CACNA1A: variants seen among roughly 807,000 people sequenced by gnomAD.
CACNA1A encodes calcium voltage-gated channel subunit alpha1 A.
A neutral mutation model predicts 262.4 loss-of-function variants in CACNA1A; 57 were observed. The observed-to-expected ratio is 0.22, with a 90% CI of 0.18 to 0.27. The LOEUF (loss-of-function observed/expected upper bound fraction) is 0.27. CACNA1A is among the 10% of genes least tolerant of loss of function. The pLI is 1.00. For synonymous variants in CACNA1A, 1,431 were observed against 1,419.3 expected (o/e 1.01, Z -0.18); for missense variants, 2,526 against 3,562.8 (o/e 0.71, Z 7.41).
At chr19:13,424,543 G>A (rs1181164593) in intron 3 of CACNA1A, among the ~76,000 whole-genome samples, 9 of 151,864 alleles carry the variant, frequency 5.9e-5, no homozygotes, top group Non-Finnish European at 1.0e-4. Flanking sequence ...ATAGATCACT[G>A]TAGCCTCAAA....
intron 1 of CACNA1A, among the ~76,000 whole-genome samples, chr19:13,468,932 T>C (rs1407161741): frequency 3.3e-5 from 5 of 152,154 alleles, no homozygotes; most frequent in Admixed American, 1.3e-4. Flanking sequence ...TCCACCATCA[T>C]GGCCCCCAGA....
intron 10 of CACNA1A, among the ~76,000 whole-genome samples, chr19:13,317,773 T>C (rs2058155746): frequency 6.6e-6 from 1 of 152,224 alleles, no homozygotes; most frequent in Non-Finnish European, 1.5e-5. Flanking sequence ...AAGTGATCAC[T>C]GAGGAATAAG....
intron 32 of CACNA1A, among the ~76,000 whole-genome samples, 165 bp from the exon 33 acceptor site, chr19:13,235,439 C>G (rs925589874): frequency 6.6e-6 from 1 of 152,196 alleles, no homozygotes; most frequent in Admixed American, 6.5e-5. Flanking sequence ...GGATGAGGCC[C>G]TTACAGCTCT....
chr19:13,445,901 G>A (rs770154137), intron 3 of CACNA1A, among the ~76,000 whole-genome samples: 11 of 152,182 alleles, frequency 7.2e-5, no homozygotes, highest in Non-Finnish European at 1.2e-4. Flanking sequence ...GGTAAACACC[G>A]TGGTGGTCCA....
At chr19:13,430,600 T>C (rs1012883566) in intron 3 of CACNA1A, among the ~76,000 whole-genome samples, 9 of 152,176 alleles carry the variant, frequency 5.9e-5, no homozygotes, top group African/African-American at 2.2e-4. Context: ...TGGAAGATTT[T>C]ACTGGCACAA....
At chr19:13,413,296 T>C (rs538562747) in intron 3 of CACNA1A, among the ~76,000 whole-genome samples, 1,822 of 151,106 alleles carry the variant, frequency 0.012, 22 homozygotes, top group South Asian at 0.025. Context: ...TCAGTAGAGA[T>C]GGGGTTTCAC....
chr19:13,367,971 G>A (rs1487287769), intron 4 of CACNA1A, among the ~76,000 whole-genome samples: 6 of 151,950 alleles, frequency 3.9e-5, no homozygotes, highest in African/African-American at 1.5e-4. Flanking sequence ...ACTGAAATTC[G>A]CATCCTGCAC....
intron 2 of CACNA1A, 120 bp from the exon 3 acceptor site, chr19:13,453,135 A>C: frequency 1.0e-6 from 1 of 976,498 alleles, no homozygotes; most frequent in South Asian, 1.5e-5. Context: ...ACCCTCCTGC[A>C]CTCACCACCC....
At chr19:13,479,951 A>T (rs1461245913) in intron 1 of CACNA1A, among the ~76,000 whole-genome samples, 2 of 152,248 alleles carry the variant, frequency 1.3e-5, no homozygotes, top group African/African-American at 4.8e-5. Context: ...CCATTCATTT[A>T]CGTATTGCCT....
chr19:13,334,567 GTGTGTGTGTGTGTGTGTGTGTGTGTT>G (rs1418585445), intron 7 of CACNA1A, 74 bp from the exon 8 acceptor site: 6 of 645,980 alleles, frequency 9.3e-6, no homozygotes, highest in African/African-American at 2.0e-5. Context: ...GTGTTTGTGT[GTGTGTGTGTGTGTGTGTGTGTGTGTT>G]TGTGTGTGTG....
intron 3 of CACNA1A, among the ~76,000 whole-genome samples, chr19:13,410,716 G>A (rs971136895): frequency 1.3e-5 from 2 of 151,830 alleles, no homozygotes; most frequent in Admixed American, 6.6e-5. Context: ...TCTGGCTCAG[G>A]TCACGAAAGA....
intron 2 of CACNA1A, among the ~76,000 whole-genome samples, chr19:13,454,160 G>A (rs569054575): frequency 1.4e-4 from 21 of 151,828 alleles, no homozygotes; most frequent in East Asian, 7.9e-4. Flanking sequence ...ATCATTGACC[G>A]TTGGTGATCA....
chr19:13,260,332 A>ATATACATATATATATATATATAT (rs1555744847), intron 26 of CACNA1A: 1 of 77,136 alleles, frequency 1.3e-5, no homozygotes, highest in Non-Finnish European at 3.4e-5. Flanking sequence ...ATATATATAT[A>ATATACATATATATATATATATAT]TTTTTGTTGT....
chr19:13,292,858 G>A (rs891344309), intron 19 of CACNA1A, among the ~76,000 whole-genome samples: 1 of 151,892 alleles, frequency 6.6e-6, no homozygotes, highest in Non-Finnish European at 1.5e-5. Context: ...CTCTTAAAGT[G>A]CATGAATCTT....
intron 3 of CACNA1A, among the ~76,000 whole-genome samples, chr19:13,390,456 TGATA>T (rs1158156799): frequency 6.6e-6 from 1 of 152,210 alleles, no homozygotes; most frequent in Non-Finnish European, 1.5e-5. Flanking sequence ...ACTTTCTGGA[TGATA>T]AATCTGTTCT....
intron 1 of CACNA1A, among the ~76,000 whole-genome samples, chr19:13,487,591 T>A (rs1980184644): frequency 6.6e-6 from 1 of 151,810 alleles, no homozygotes; most frequent in Non-Finnish European, 1.5e-5. Context: ...ACTGAGTGTA[T>A]TAAATGCCAC....
At chr19:13,430,070 A>C (rs1174177598) in intron 3 of CACNA1A, among the ~76,000 whole-genome samples, 1 of 151,086 alleles carries the variant, frequency 6.6e-6, no homozygotes, top group East Asian at 2.0e-4. Context: ...GCAGAGCTTC[A>C]GTTTTGCAAG....
At chr19:13,261,377 C>G in intron 26 of CACNA1A, 73 bp downstream of exon 26, 1 of 1,341,516 alleles carries the variant, frequency 7.5e-7, no homozygotes, top group Non-Finnish European at 1.0e-6. Context: ...CCCAAGTGGC[C>G]AATGCCTCTA....
chr19:13,238,149 T>G (rs930166648), intron 31 of CACNA1A, among the ~76,000 whole-genome samples: 23 of 152,158 alleles, frequency 1.5e-4, no homozygotes, highest in African/African-American at 5.6e-4. Context: ...ACCCTCCATC[T>G]CTTCCTGCAT....
Sources: gnomAD v4.1 joint callset for allele counts (sites outside exome capture counted in the v4.1 genomes callset) on GRCh38, gnomAD v4.1.1 for gene constraint, MANE v1.5 for transcripts, NCBI Gene and HGNC (gene_info 2026-07-23, HGNC 2026-07-21) for gene names.